Variants in CIRBP observed in about 807,000 individuals in gnomAD.
CIRBP encodes cold-inducible RNA-binding protein.
CIRBP carries 11 observed loss-of-function variants against 22.3 expected under a neutral mutation model. The observed-to-expected ratio is 0.49, with a 90% CI of 0.31 to 0.82. CIRBP has a LOEUF of 0.82. CIRBP is among the 40% of genes least tolerant of loss of function. The pLI is 0.05. For synonymous variants in CIRBP, 216 were observed against 158.8 expected (o/e 1.36, Z -2.71); for missense variants, 456 against 402.7 (o/e 1.13, Z -1.13).
At chr19:1,271,855 C>A in intron 5 of CIRBP, 126 bp from the exon 6 acceptor site, 2 of 848,264 alleles carry the variant, frequency 2.4e-6, no homozygotes, top group Non-Finnish European at 3.8e-6. Context: ...CAAGATGCTG[C>A]CCTGCTGGGG....
intron 1 of CIRBP, chr19:1,270,226 C>G: frequency 3.1e-6 from 1 of 319,978 alleles, no homozygotes; most frequent in South Asian, 1.8e-5. Flanking sequence ...GCCTCCCTGA[C>G]AGCCAGCCCC....
In CIRBP at chr19:1,272,017, G is replaced by T; in HGVS notation, c.468G>T (p.Ser156=). 1 of 1,612,756 alleles carries T rather than the reference G, an allele frequency of 6.2e-7. No individual in the cohort carries two copies. Among genetic ancestry groups the T allele is most frequent in the Admixed American group, 1.7e-5 (1 of 59,998 alleles). ...SQSGGYSDRS[S]GGSYRDSYDS... is the part of the protein sequence containing the mutation. ...GTGGTGGCTACAGTGACCGGAGCTC[G>T]GGCGGGTCCTACAGAGACAGTTATG... Residue 156 remains serine (S), a synonymous_variant, in exon 6 of 6, where the codon TCG becomes TCT. Coordinates refer to ENST00000587896, the MANE Select transcript of CIRBP (RefSeq NM_001300829.2).
rs2081379480 is a variant in CIRBP at position 1,273,757 on chromosome 19, C to G, written c.*1314C>G. The G allele has an allele frequency of 6.6e-6, 1 of 152,266 alleles. No individual in the cohort carries two copies. Among genetic ancestry groups the G allele is most frequent in the Admixed American group, 6.5e-5 (1 of 15,284 alleles). The allele number at this position is 152,266 out of a possible 1,614,324, so 9.4% of individuals were successfully genotyped here. A position where few individuals can be genotyped will look rare whatever the true frequency, so the allele number is the denominator to read the frequency against. On this transcript the variant is annotated 3_prime_UTR_variant, in exon 6 of 6. Coordinates refer to ENST00000587896, the MANE Select transcript of CIRBP (RefSeq NM_001300829.2). Reference sequence around the variant, plus strand: ...GTGTCCACATCCCTCTTGTTGAGAGCTCACTGAAAGTCATGTGCCCGGGGA... The same window carrying G: ...GTGTCCACATCCCTCTTGTTGAGAGGTCACTGAAAGTCATGTGCCCGGGGA...
chr19:1,271,380 A>C lies in CIRBP; in HGVS notation c.262A>C (p.Asn88His). The C allele has an allele frequency of 6.2e-7, 1 of 1,613,926 alleles. No individual in the cohort carries two copies. The change falls in exon 4 of 6, where the codon AAC (asparagine) becomes CAC (histidine). Residue 88 changes from asparagine to histidine, a missense_variant. By Grantham distance (68) the Asn-to-His change is moderately conservative. This residue lies in a region of CIRBP where 426 missense variants were observed against 339.6 expected (regional missense o/e 1.25). Coordinates refer to ENST00000587896, the MANE Select transcript of CIRBP (RefSeq NM_001300829.2). ...AGACCAGGCAGGCAAGTCGTCAGAC[A>C]ACCGATCCCGTGGGTACCGTGGTGG... is the stretch of plus-strand genomic sequence containing the variant. ...RVDQAGKSSDNRSRGYRGGSA... is the reference protein window; with the variant it reads ...RVDQAGKSSDHRSRGYRGGSA...
At position 1,272,729 on chromosome 19, in the gene CIRBP, G is replaced by C. The variant is rs974144176; in HGVS notation, c.*286G>C. Reference sequence around the variant, plus strand: ...GAGCCATGAGTTTTCAAAAAAATCGGGGGTTGTGTGGGTTTTTGGTTTTTG... The same window carrying C: ...GAGCCATGAGTTTTCAAAAAAATCGCGGGTTGTGTGGGTTTTTGGTTTTTG... On this transcript the variant is annotated 3_prime_UTR_variant, in exon 6 of 6. Coordinates refer to ENST00000587896, the MANE Select transcript of CIRBP (RefSeq NM_001300829.2). The C allele has an allele frequency of 6.5e-6, 2 of 306,460 alleles. No individual in the cohort carries two copies. Among genetic ancestry groups the C allele is most frequent in the Non-Finnish European group, 1.2e-5 (2 of 166,654 alleles). The allele number at this position is 306,460 out of a possible 1,614,324, so 19.0% of individuals were successfully genotyped here.
In CIRBP at chr19:1,274,068, A is replaced by G; in HGVS notation, c.*1625A>G. 1 of 374,876 alleles carries G rather than the reference A, an allele frequency of 2.7e-6. No individual in the cohort carries two copies. Among genetic ancestry groups the G allele is most frequent in the Non-Finnish European group, 4.7e-6 (1 of 211,274 alleles). The allele number at this position is 374,876 out of a possible 1,614,324, so 23.2% of individuals were successfully genotyped here. On this transcript the variant is annotated 3_prime_UTR_variant, in exon 6 of 6. Coordinates refer to ENST00000587896, the MANE Select transcript of CIRBP (RefSeq NM_001300829.2). ...TTCTCTGATGTCTGTTGCCGCCATT[A>G]GTTTTTTTCTAGAGCCCACACTGGC...
chr19:1,272,183 C>G lies in CIRBP; in HGVS notation c.634C>G (p.Leu212Val). ...CTGTGCTTGCCCAGAAGAGGCGCAT[C>G]TGTCCTCTCAGAGCCATTTCTATCG... ...CHCACPEEAH[L>V]SSQSHFYRRT... The change falls in exon 6 of 6, where the codon CTG becomes GTG. Residue 212 changes from leucine (L) to valine (V), a missense_variant. Coordinates refer to ENST00000587896, the MANE Select transcript of CIRBP (RefSeq NM_001300829.2). 6.2e-7 allele frequency: 1 copy of G among 1,600,054 alleles called. No individual in the cohort carries two copies. The highest frequency in any genetic ancestry group is 1.7e-4 in the Middle Eastern group (1 of 6,052).
At position 1,271,277 on chromosome 19, in the gene CIRBP, G is replaced by A. The variant is rs113223612; in HGVS notation, c.210+31G>A. 94 of 1,613,992 alleles carry A rather than the reference G, an allele frequency of 5.8e-5. 1 individual carries two copies. The African/African-American group carries it at 6.5e-4, about 11-fold the overall frequency. ...GATCAGGGTGCTGAGCAGGAGTCCC[G>A]TCTCGAGGATGGGGCACCCACCTGC... On this transcript the variant is annotated intron_variant, in intron 3 of 5. Transcript: ENST00000587896.
In CIRBP at chr19:1,271,530, C is replaced by T. The variant is rs4807050; in HGVS notation, c.350-21C>T. 1,212,162 of 1,592,864 alleles carry T rather than the reference C, an allele frequency of 0.76. 463,886 individuals carry two copies. Among genetic ancestry groups the T allele is most frequent in the East Asian group, 0.98 (43,864 of 44,762 alleles). On this transcript the variant is annotated intron_variant, in intron 4 of 5. Coordinates refer to ENST00000587896, the MANE Select transcript of CIRBP (RefSeq NM_001300829.2). ...GGTACTGCTGGTGGGAGCTGGTACT[C>T]ACTTTTTCCTGTATGTGCAGGAGGA...
Position 1,272,699 on chromosome 19 carries a change from A to C in CIRBP, c.*256A>C, listed in dbSNP as rs1600029681. ...ATTTTGAAAAGCATTTACTTTTTTG[A>C]CCACGAGCCATGAGTTTTCAAAAAA... On this transcript the variant is annotated 3_prime_UTR_variant, in exon 6 of 6. Transcript: ENST00000587896. 2 of 353,544 alleles carry C rather than the reference A, an allele frequency of 5.7e-6. No homozygotes were observed. Among genetic ancestry groups the C allele is most frequent in the Non-Finnish European group, 1.0e-5 (2 of 195,782 alleles). 21.9% of individuals were successfully genotyped at this position (353,544 alleles called of 1,614,324 possible). A position where few individuals can be genotyped will look rare whatever the true frequency, so the allele number is the denominator to read the frequency against.
Position 1,272,004 on chromosome 19 carries a change from G to A in CIRBP, c.455G>A (p.Ser152Asn), listed in dbSNP as rs1406684840. The change falls in exon 6 of 6, where the codon AGT (serine) becomes AAT (asparagine). Residue 152 changes from serine (S) to asparagine (N), a missense_variant. Transcript: ENST00000587896. The part of the protein sequence containing the change: ...YSSRSQSGGY[S>N]DRSSGGSYRD... Reference sequence around the variant, plus strand: ...AGCCGGAGTCAGAGTGGTGGCTACAGTGACCGGAGCTCGGGCGGGTCCTAC... The same window carrying A: ...AGCCGGAGTCAGAGTGGTGGCTACAATGACCGGAGCTCGGGCGGGTCCTAC... The A allele has an allele frequency of 6.2e-7, 1 of 1,611,902 alleles. No homozygotes were observed. Among genetic ancestry groups the A allele is most frequent in the Non-Finnish European group, 8.5e-7 (1 of 1,178,142 alleles).
At position 1,272,216 on chromosome 19, in the gene CIRBP, CA is replaced by C; in HGVS notation, c.671del (p.Lys224SerfsTer51). ...TCAGAGCCATTTCTATCGCAGGACG[CA>C]AAAGCCAAATGAGACTGACCAAAAA... ...SSQSHFYRRT[Q>X]KPNETDQKGK... is the part of the protein sequence containing the mutation. On this transcript the variant is annotated frameshift_variant, in exon 6 of 6. Transcript: ENST00000587896. LOFTEE classifies it low-confidence loss of function (END_TRUNC). 2 of 1,594,624 alleles carry C rather than the reference CA, an allele frequency of 1.3e-6. No homozygotes were observed. Among genetic ancestry groups the C allele is most frequent in the Non-Finnish European group, 1.7e-6 (2 of 1,171,330 alleles).
intron 1 of CIRBP, among the ~76,000 whole-genome samples, chr19:1,269,648 T>A (rs1061076): frequency 6.6e-6 from 1 of 151,750 alleles, no homozygotes; most frequent in South Asian, 2.1e-4. Context: ...GGCCGCGAGC[T>A]CGAGGCTGTG....
chr19:1,274,560 G>A lies in CIRBP; in HGVS notation c.*2117G>A. The A allele has an allele frequency of 2.8e-6, 1 of 359,712 alleles. No homozygotes were observed. Among genetic ancestry groups the A allele is most frequent in the Non-Finnish European group, 5.0e-6 (1 of 201,716 alleles). 22.3% of individuals were successfully genotyped at this position (359,712 alleles called of 1,614,324 possible). ...CCCCATGGCGGGCGCCTTTCGGTGT[G>A]TGTTGGGTGCAGGGCAGCGCCTCCC... is the stretch of plus-strand genomic sequence containing the variant. On this transcript the variant is annotated 3_prime_UTR_variant, in exon 6 of 6. Coordinates refer to ENST00000587896, the MANE Select transcript of CIRBP (RefSeq NM_001300829.2).
Position 1,271,242 on chromosome 19 carries a change from G to T in CIRBP, c.206G>T (p.Gly69Val). 1 of 1,614,066 alleles carries T rather than the reference G, an allele frequency of 6.2e-7. No individual in the cohort carries two copies. Residue 69 changes from glycine (G) to valine (V), a missense_variant, in exon 3 of 6, where the codon GGG (glycine) becomes GTG (valine). Transcript: ENST00000587896. ...DAKDAMMAMNGKSVDGRQIRV... is the reference protein window; with the variant it reads ...DAKDAMMAMNVKSVDGRQIRV... ...AAGGATGCCATGATGGCCATGAATG[G>T]GAAGGTGAGGATCAGGGTGCTGAGC...
At position 1,271,039 on chromosome 19, in the gene CIRBP, G is replaced by C; in HGVS notation, c.103+3G>C. Reference sequence around the variant, plus strand: ...AAAGTACGGACAGATCTCTGAAGGTGAGGCTGCTGCTGGGCCCGCGGCCCT... The same window carrying C: ...AAAGTACGGACAGATCTCTGAAGGTCAGGCTGCTGCTGGGCCCGCGGCCCT... On this transcript the variant is annotated splice_donor_region_variant and intron_variant, in intron 2 of 5. Transcript: ENST00000587896. The C allele has an allele frequency of 6.2e-7, 1 of 1,613,786 alleles. No individual in the cohort carries two copies. The highest frequency in any genetic ancestry group is 1.1e-5 in the South Asian group (1 of 91,076).
rs747818399 is a variant in CIRBP, at chr19:1,271,970, C to T, written c.432-11C>T. ...GTACCTTCCGGTACTCAACGTTTGT[C>T]TGTCTTGCAGCCGGAGTCAGAGTGG... On this transcript the variant is annotated splice_polypyrimidine_tract_variant and intron_variant, in intron 5 of 5. Coordinates refer to ENST00000587896, the MANE Select transcript of CIRBP (RefSeq NM_001300829.2). 22 of 1,601,500 alleles carry T rather than the reference C, an allele frequency of 1.4e-5. No individual in the cohort carries two copies. The highest frequency in any genetic ancestry group is 1.8e-4 in the Middle Eastern group (1 of 5,682).
At chr19:1,270,676 G>A (rs1269784275) in intron 1 of CIRBP, among the ~76,000 whole-genome samples, 1 of 152,138 alleles carries the variant, frequency 6.6e-6, no homozygotes, top group African/African-American at 2.4e-5. Flanking sequence ...GGGAGGCTGA[G>A]GTAGGAGGAT....
At position 1,272,295 on chromosome 19, in the gene CIRBP, G is replaced by C; in HGVS notation, c.746G>C (p.Arg249Pro). 1 of 1,613,180 alleles carries C rather than the reference G, an allele frequency of 6.2e-7. No homozygotes were observed. The highest frequency in any genetic ancestry group is 8.5e-7 in the Non-Finnish European group (1 of 1,179,786). The change falls in exon 6 of 6, where the codon CGC becomes CCC. Residue 249 changes from arginine (R) to proline (P), a missense_variant. Arg to Pro is a moderately radical substitution (Grantham distance 103). Transcript: ENST00000587896. The stretch of plus-strand genomic sequence containing the variant: ...CAGTCAGCTAGGTGCATGTGTGGCC[G>C]CAGGCCAGCCTCCCTCGGCTGTGGG... ...AGQSARCMCG[R>P]RPASLGCGGW...
Sources: allele counts gnomAD v4.1 joint callset (sites outside exome capture counted in the v4.1 genomes callset), GRCh38; gene constraint gnomAD v4.1.1; regional missense constraint gnomAD v4.1.1; transcripts MANE v1.5; gene names NCBI Gene and HGNC (gene_info 2026-07-23, HGNC 2026-07-21).